SOX5: variants seen among roughly 807,000 people sequenced by gnomAD.
SOX5 encodes transcription factor SOX-5.
A neutral mutation model predicts 92.0 loss-of-function variants in SOX5; 9 were observed. That is an observed-to-expected ratio of 0.10 (90% confidence interval 0.06 to 0.17). The LOEUF (loss-of-function observed/expected upper bound fraction) is 0.17. SOX5 is among the 10% of genes least tolerant of loss of function. The probability of loss-of-function intolerance (pLI) is 1.00; values close to 1 mark genes in which losing one functional copy is unlikely to be tolerated. For missense variants in SOX5, 642 were observed against 944.5 expected (o/e 0.68, Z 4.20); for synonymous variants, 344 against 336.3 (o/e 1.02, Z -0.25).
At chr12:24,017,311 G>T (rs570048021) in intron 4 of SOX5, among the ~76,000 whole-genome samples, 5 of 152,048 alleles carry the variant, frequency 3.3e-5, no homozygotes, top group Non-Finnish European at 7.4e-5. Flanking sequence ...AGAAAATCAC[G>T]CAACAGGTTA....
intron 1 of SOX5, among the ~76,000 whole-genome samples, chr12:24,443,346 T>G (rs1488201556): frequency 2.0e-5 from 3 of 152,244 alleles, no homozygotes; most frequent in African/African-American, 7.2e-5. Flanking sequence ...ATGAGATTAC[T>G]GCAAATGCTT....
At chr12:23,775,152 A>G (rs573726414) in intron 3 of SOX5, among the ~76,000 whole-genome samples, 1 of 152,346 alleles carries the variant, frequency 6.6e-6, no homozygotes, top group Admixed American at 6.5e-5. Flanking sequence ...CATATTGTAT[A>G]TTTTGGAGCT....
At chr12:23,654,125 T>G (rs1295585656) in intron 7 of SOX5, among the ~76,000 whole-genome samples, 1 of 152,050 alleles carries the variant, frequency 6.6e-6, no homozygotes, top group Non-Finnish European at 1.5e-5. Context: ...AAATACTTTG[T>G]TGAGTTGCAA....
At position 23,968,117 on chromosome 12, in the gene SOX5, C is replaced by T. The variant is rs1434585882; in HGVS notation, c.-1-72093G>A. Among the ~76,000 whole-genome samples the T allele has an allele frequency of 5.3e-5, 8 of 152,182 alleles. 1 individual carries two copies. On this transcript the variant is annotated intron_variant, in intron 4 of 4. Coordinates refer to the SOX5 transcript ENST00000446891. ...TAAATAGTTGATGCCAGAATGCGGACTCTACTAGTGTTCCTAGTAGTTTCT... is the reference window on the plus strand; with the variant it reads ...TAAATAGTTGATGCCAGAATGCGGATTCTACTAGTGTTCCTAGTAGTTTCT...
chr12:23,887,421 G>A (rs1213965281), intron 2 of SOX5, among the ~76,000 whole-genome samples: 1 of 152,162 alleles, frequency 6.6e-6, no homozygotes, highest in Non-Finnish European at 1.5e-5. Context: ...ATAATAAAGT[G>A]CAACTGCAAA....
At chr12:24,163,230 A>T (rs1399988457) in intron 4 of SOX5, among the ~76,000 whole-genome samples, 1 of 152,170 alleles carries the variant, frequency 6.6e-6, no homozygotes, top group Non-Finnish European at 1.5e-5. Flanking sequence ...GACCTAAGGC[A>T]AATGATAAAG....
chr12:24,006,581 C>T (rs12422817), intron 4 of SOX5, among the ~76,000 whole-genome samples: 33,939 of 151,886 alleles, frequency 0.22, 4,159 homozygotes, highest in Middle Eastern at 0.34. Context: ...TGGACCTGTG[C>T]CACTCCTTCC....
chr12:24,102,715 C>A (rs1187765103), intron 4 of SOX5, among the ~76,000 whole-genome samples: 1 of 152,186 alleles, frequency 6.6e-6, no homozygotes, highest in Non-Finnish European at 1.5e-5. Context: ...TATGTGGACT[C>A]TCATTTGACA....
Position 24,509,258 on chromosome 12 carries a change from C to T in SOX5, c.-251+53071G>A, listed in dbSNP as rs1047445871. ...GCAAATCCTTTGGTTTAAAGTGTTC[C>T]GAAGATAGTAAGAGCCAAGTGCCCA... is the stretch of plus-strand genomic sequence containing the variant. On this transcript the variant is annotated intron_variant, in intron 1 of 4. Transcript: ENST00000446891. Among the ~76,000 whole-genome samples, 6 of 152,202 alleles carry T rather than the reference C, an allele frequency of 3.9e-5. No homozygotes were observed. The East Asian group carries it at 5.8e-4, about 15-fold the overall frequency.
intron 4 of SOX5, among the ~76,000 whole-genome samples, chr12:23,980,494 C>T (rs1224411968): frequency 6.6e-6 from 1 of 152,044 alleles, no homozygotes; most frequent in African/African-American, 2.4e-5. Context: ...AAATGACTAC[C>T]ATTGATGTTG....
chr12:23,721,234 C>T (rs1015329197), intron 6 of SOX5, among the ~76,000 whole-genome samples: 5 of 151,946 alleles, frequency 3.3e-5, no homozygotes, highest in South Asian at 2.1e-4. Context: ...TACAGGCATG[C>T]GCCACCATGC....
chr12:24,299,465 C>G (rs1947704870), intron 2 of SOX5, among the ~76,000 whole-genome samples: 1 of 151,666 alleles, frequency 6.6e-6, no homozygotes, highest in South Asian at 2.1e-4. Flanking sequence ...GTGCTTATAT[C>G]TGGGTATATT....
At chr12:23,573,632 A>G (rs1311757091) in intron 10 of SOX5, among the ~76,000 whole-genome samples, 1 of 152,176 alleles carries the variant, frequency 6.6e-6, no homozygotes, top group Non-Finnish European at 1.5e-5. Flanking sequence ...ATACTTTTAT[A>G]CTCTCTACTT....
At chr12:24,277,015 CATA>C (rs1389849095) in intron 3 of SOX5, among the ~76,000 whole-genome samples, 4 of 152,048 alleles carry the variant, frequency 2.6e-5, no homozygotes, top group South Asian at 2.1e-4. Context: ...ACATTACCAT[CATA>C]ATGAGTCTCA....
intron 2 of SOX5, among the ~76,000 whole-genome samples, chr12:24,351,106 G>T (rs1954029396): frequency 6.6e-6 from 1 of 151,962 alleles, no homozygotes; most frequent in Non-Finnish European, 1.5e-5. Flanking sequence ...ATAAGTGGTA[G>T]ATATTACCTC....
At chr12:24,076,746 C>A (rs2958105) in intron 4 of SOX5, among the ~76,000 whole-genome samples, 1 of 118,776 alleles carries the variant, frequency 8.4e-6, no homozygotes, top group Admixed American at 1.2e-4. Flanking sequence ...ACTGAAAGCT[C>A]TTCTAAGGAG....
Position 24,068,700 on chromosome 12 carries a change from GTGTGTATATATATATATATATATATA to G in SOX5, c.-2+144617_-2+144642del, listed in dbSNP as rs1416439281. Among the ~76,000 whole-genome samples the G allele has an allele frequency of 2.6e-3, 139 of 54,062 alleles. 1 individual carries two copies. Among genetic ancestry groups the G allele is most frequent in the African/African-American group, 0.01 (134 of 12,896 alleles). The allele number at this position is 54,062 out of a possible 152,430, so 35.5% of individuals were successfully genotyped here. A position where few individuals can be genotyped will look rare whatever the true frequency, so the allele number is the denominator to read the frequency against. On this transcript the variant is annotated intron_variant, in intron 4 of 4. Coordinates refer to the SOX5 transcript ENST00000446891. ...GTCGTATGTGTGTGTGTGTGTGTGT[GTGTGTATATATATATATATATATATA>G]TATATATATATATATATATATACAC...
At chr12:23,834,709 T>C (rs1056021138) in intron 3 of SOX5, among the ~76,000 whole-genome samples, 1 of 151,844 alleles carries the variant, frequency 6.6e-6, no homozygotes, top group Non-Finnish European at 1.5e-5. Flanking sequence ...AGGATAACAA[T>C]GGAGGCAAAT....
intron 6 of SOX5, among the ~76,000 whole-genome samples, chr12:23,684,515 C>A (rs1179913222): frequency 6.6e-6 from 1 of 151,994 alleles, no homozygotes; most frequent in African/African-American, 2.4e-5. Flanking sequence ...TGACAAACTG[C>A]AGGTTTTCCT....
Sources: allele counts gnomAD v4.1 joint callset (sites outside exome capture counted in the v4.1 genomes callset), GRCh38; gene constraint gnomAD v4.1.1; transcripts MANE v1.5; gene names NCBI Gene and HGNC (gene_info 2026-07-23, HGNC 2026-07-21).